The following PTPRG variants were observed in gnomAD, a reference collection of about 807,000 sequenced individuals.
The protein encoded by PTPRG is receptor-type tyrosine-protein phosphatase gamma.
Under a neutral mutation model 165.3 loss-of-function variants are expected in PTPRG, and 102 were observed. That is an observed-to-expected ratio of 0.62 (90% confidence interval 0.53 to 0.73). The LOEUF (loss-of-function observed/expected upper bound fraction) is 0.73. Ranked by LOEUF, PTPRG falls within the 30% of genes least tolerant of loss-of-function variation. The pLI, the probability that PTPRG is intolerant of heterozygous loss-of-function variation, is 0.00. For missense variants in PTPRG, 1,866 were observed against 1,861.4 expected, an observed-to-expected ratio of 1.00 and a Z score of -0.05; for synonymous variants, 675 against 669.5, an observed-to-expected ratio of 1.01 and a Z score of -0.13.
At chr3:62,268,934 G>T in intron 19 of PTPRG, 101 bp from the exon 20 acceptor site, 1 of 1,281,312 alleles carries the variant, frequency 7.8e-7, no homozygotes, top group East Asian at 2.5e-5. Flanking sequence ...CAACTAAATG[G>T]CAATCTCACC....
chr3:61,990,613 C>T (rs1266475738), intron 3 of PTPRG, among the ~76,000 whole-genome samples: 1 of 152,232 alleles, frequency 6.6e-6, no homozygotes, highest in African/African-American at 2.4e-5. Flanking sequence ...AAAATAAGCT[C>T]TGGGATGTTA....
chr3:62,264,899 G>A (rs747568882), intron 17 of PTPRG, among the ~76,000 whole-genome samples: 95 of 150,158 alleles, frequency 6.3e-4, no homozygotes, highest in Middle Eastern at 6.9e-3. Context: ...TTCATTTTAC[G>A]TTCCCACCAA....
At chr3:61,778,423 T>G (rs1358169823) in intron 2 of PTPRG, among the ~76,000 whole-genome samples, 3 of 152,116 alleles carry the variant, frequency 2.0e-5, no homozygotes, top group African/African-American at 7.2e-5. Flanking sequence ...AAGCAACTAA[T>G]CAGAGATACT....
In PTPRG at chr3:61,995,665, C is replaced by T. The variant is rs1386395082; in HGVS notation, c.370+5861C>T. ...TATGTTTCTGATAGTCTAGGCTTTC[C>T]GCCTGCCTGCCCGCCCGCCTTCCTT... is the stretch of plus-strand genomic sequence containing the variant. On this transcript the variant is annotated intron_variant, in intron 3 of 29. Coordinates refer to ENST00000474889, the MANE Select transcript of PTPRG (RefSeq NM_002841.4). 4.1e-5 allele frequency among the ~76,000 whole-genome samples: 6 copies of T among 145,628 alleles called. No individual in the cohort carries two copies. In the South Asian group the frequency reaches 9.2e-4, roughly 22 times the overall value.
At position 62,005,621 on chromosome 3, in the gene PTPRG, C is replaced by T. The variant is rs192952235; in HGVS notation, c.519+2124C>T. Among the ~76,000 whole-genome samples, 95 of 151,362 alleles carry T rather than the reference C, an allele frequency of 6.3e-4. 1 individual carries two copies. Among genetic ancestry groups the T allele is most frequent in the Admixed American group, 5.5e-3 (83 of 15,222 alleles). The stretch of plus-strand genomic sequence containing the variant: ...TTGCCTCTGTGTAATTACATTTCCT[C>T]ATGCCAAAAATGGCCAGTTTCCTCT... On this transcript the variant is annotated intron_variant, in intron 4 of 29. Coordinates refer to ENST00000474889, the MANE Select transcript of PTPRG (RefSeq NM_002841.4).
chr3:61,857,686 A>G (rs1254628231), intron 2 of PTPRG, among the ~76,000 whole-genome samples: 1 of 152,210 alleles, frequency 6.6e-6, no homozygotes, highest in Non-Finnish European at 1.5e-5. Context: ...TAATCCTGCA[A>G]AGACTAATAT....
At chr3:61,973,523 T>C (rs976643441) in intron 2 of PTPRG, among the ~76,000 whole-genome samples, 1 of 152,110 alleles carries the variant, frequency 6.6e-6, no homozygotes, top group African/African-American at 2.4e-5. Flanking sequence ...AATAGGACTC[T>C]TCATTGTGTT....
chr3:61,605,957 A>T (rs1319439707), intron 1 of PTPRG, among the ~76,000 whole-genome samples: 2 of 152,260 alleles, frequency 1.3e-5, no homozygotes, highest in Non-Finnish European at 2.9e-5. Context: ...TTAAAAGGGC[A>T]TGAGGTCCCA....
At chr3:61,842,349 A>G (rs2036661806) in intron 2 of PTPRG, among the ~76,000 whole-genome samples, 1 of 152,176 alleles carries the variant, frequency 6.6e-6, no homozygotes, top group Non-Finnish European at 1.5e-5. Context: ...ACACATTTAT[A>G]TGCTCTCTCG....
chr3:61,565,194 G>A (rs1408446762), intron 1 of PTPRG, among the ~76,000 whole-genome samples: 1 of 152,180 alleles, frequency 6.6e-6, no homozygotes, highest in Non-Finnish European at 1.5e-5. Flanking sequence ...CTTTTTCCCA[G>A]TGGATTGGAA....
chr3:61,737,965 G>T (rs893853092), intron 1 of PTPRG, among the ~76,000 whole-genome samples: 1 of 149,546 alleles, frequency 6.7e-6, no homozygotes, highest in Non-Finnish European at 1.5e-5. Flanking sequence ...CTGGAGTGCA[G>T]TGGCGCGATC....
At position 62,190,496 on chromosome 3, in the gene PTPRG, A is replaced by G. The variant is rs1276410670; in HGVS notation, c.1034-973A>G. On this transcript the variant is annotated intron_variant, in intron 8 of 29. Transcript: ENST00000474889. The surrounding 1 kb of genome is among the most constrained non-coding windows in gnomAD (Gnocchi z 5.2). The stretch of plus-strand genomic sequence containing the variant: ...CCTGTCAAGGTCTCAACACTTTCAT[A>G]GGTTTGTCTGTAAATAGATTTAGAT... Among the ~76,000 whole-genome samples the G allele has an allele frequency of 6.6e-6, 1 of 152,082 alleles. No homozygotes were observed. Among genetic ancestry groups the G allele is most frequent in the Non-Finnish European group, 1.5e-5 (1 of 68,010 alleles).
At chr3:61,842,693 AAAAAAAAAAAG>A (rs1362214060) in intron 2 of PTPRG, among the ~76,000 whole-genome samples, 4 of 150,312 alleles carry the variant, frequency 2.7e-5, no homozygotes, top group African/African-American at 9.8e-5. Flanking sequence ...GCAAAAAAAA[AAAAAAAAAAAG>A]AAAAAGAAAA....
intron 5 of PTPRG, among the ~76,000 whole-genome samples, chr3:62,106,748 C>A (rs555279032): frequency 6.6e-6 from 1 of 152,280 alleles, no homozygotes; most frequent in South Asian, 2.1e-4. Flanking sequence ...CCTCTAGGAA[C>A]AGAAACAGCA....
Position 62,168,810 on chromosome 3 carries a change from G to A in PTPRG, c.1033+647G>A, listed in dbSNP as rs375951102. Among the ~76,000 whole-genome samples, 14 of 152,262 alleles carry A rather than the reference G, an allele frequency of 9.2e-5. No homozygotes were observed. In the East Asian group the frequency reaches 2.3e-3, roughly 25 times the overall value. On this transcript the variant is annotated intron_variant, in intron 8 of 29. Transcript: ENST00000474889. ...GTGTTAACCAGCTCAGTGACCTCTTGGTACCCAGGTCCTTGTCTGGCGTCC... is the reference window on the plus strand; with the variant it reads ...GTGTTAACCAGCTCAGTGACCTCTTAGTACCCAGGTCCTTGTCTGGCGTCC...
intron 2 of PTPRG, among the ~76,000 whole-genome samples, chr3:61,788,710 G>C (rs912296881): frequency 6.6e-6 from 1 of 152,202 alleles, no homozygotes; most frequent in Non-Finnish European, 1.5e-5. Context: ...GAGACACATG[G>C]TTAATATTTT....
intron 12 of PTPRG, among the ~76,000 whole-genome samples, chr3:62,207,859 A>T (rs2106853317): frequency 6.6e-6 from 1 of 152,284 alleles, no homozygotes; most frequent in African/African-American, 2.4e-5. Context: ...GGTGTTAGAC[A>T]TTAGGGAGTG....
chr3:61,708,498 G>T (rs1403467750), intron 1 of PTPRG, among the ~76,000 whole-genome samples: 5 of 112,506 alleles, frequency 4.4e-5, no homozygotes, highest in Admixed American at 1.4e-4. Context: ...CTCTTGCTCT[G>T]TCACCCTGAC....
intron 1 of PTPRG, among the ~76,000 whole-genome samples, chr3:61,668,705 T>C (rs1247264711): frequency 6.6e-6 from 1 of 152,202 alleles, no homozygotes; most frequent in Admixed American, 6.5e-5. Flanking sequence ...TTGTGAACAT[T>C]ACCCTCTGCT....
Sources: gnomAD v4.1 joint callset for allele counts (sites outside exome capture counted in the v4.1 genomes callset) on GRCh38, gnomAD v4.1.1 for gene constraint, Gnocchi (gnomAD v3.1) non-coding constraint, MANE v1.5 for transcripts, NCBI Gene and HGNC (gene_info 2026-07-23, HGNC 2026-07-21) for gene names.